The following RAB6A variants were observed in gnomAD, a reference collection of about 807,000 sequenced individuals.
The protein encoded by RAB6A is ras-related protein Rab-6A.
RAB6A carries 8 observed loss-of-function variants against 32.3 expected under a neutral mutation model. The ratio of observed to expected loss-of-function variants is 0.25; its 90% CI spans 0.15 to 0.45. RAB6A has a LOEUF of 0.45. Among genes scored for constraint, RAB6A ranks in the 20% least tolerant of loss-of-function variants. The pLI is 1.00. For synonymous variants in RAB6A, 73 were observed against 82.1 expected (o/e 0.89, Z 0.60); for missense variants, 104 against 249.4 (o/e 0.42, Z 3.93).
chr11:73,752,266 T>G (rs1010885642), intron 1 of RAB6A, among the ~76,000 whole-genome samples: 1 of 152,132 alleles, frequency 6.6e-6, no homozygotes, highest in Non-Finnish European at 1.5e-5. Flanking sequence ...GAGACCAGTC[T>G]GACAAACAGT....
At chr11:73,744,453 GTATACT>G (rs1203051324) in intron 1 of RAB6A, among the ~76,000 whole-genome samples, 1 of 140,948 alleles carries the variant, frequency 7.1e-6, no homozygotes, top group Admixed American at 7.5e-5. Context: ...CAAGGCTGTA[GTATACT>G]GTGATGACAC....
chr11:73,742,510 A>T (rs1007672049), intron 1 of RAB6A, among the ~76,000 whole-genome samples: 1 of 151,872 alleles, frequency 6.6e-6, no homozygotes, highest in South Asian at 2.1e-4. Context: ...ACTACTGATT[A>T]CTCTTATCAA....
At chr11:73,684,518 A>C (rs927621436) in intron 6 of RAB6A, among the ~76,000 whole-genome samples, 10 of 152,238 alleles carry the variant, frequency 6.6e-5, no homozygotes, top group Non-Finnish European at 1.5e-4. Flanking sequence ...AGAGTACAGT[A>C]TAGTATAAAC....
chr11:73,727,258 C>G (rs1195797715), intron 2 of RAB6A, among the ~76,000 whole-genome samples: 1 of 151,410 alleles, frequency 6.6e-6, no homozygotes, highest in Admixed American at 6.6e-5. Flanking sequence ...CCCATCTGTA[C>G]AAAAAAAATT....
At chr11:73,706,861 C>T (rs924250679) in intron 6 of RAB6A, among the ~76,000 whole-genome samples, 3 of 152,072 alleles carry the variant, frequency 2.0e-5, no homozygotes, top group African/African-American at 7.2e-5. Context: ...TGGCTCACAC[C>T]TGTCCCAGCA....
At chr11:73,726,016 G>C (rs1303474428) in intron 2 of RAB6A, among the ~76,000 whole-genome samples, 1 of 152,096 alleles carries the variant, frequency 6.6e-6, no homozygotes, top group Non-Finnish European at 1.5e-5. Context: ...GCCGGGCATG[G>C]TGGCTCACAT....
intron 2 of RAB6A, among the ~76,000 whole-genome samples, chr11:73,725,402 G>A (rs1946200992): frequency 6.6e-6 from 1 of 152,228 alleles, no homozygotes; most frequent in Non-Finnish European, 1.5e-5. Context: ...TTGAACCAAA[G>A]AGAAGTGTAT....
intron 6 of RAB6A, chr11:73,704,173 G>C (rs946398758): frequency 7.0e-6 from 3 of 426,006 alleles, no homozygotes; most frequent in Non-Finnish European, 1.4e-5. Context: ...CCTGAGTCTA[G>C]GAGTTCAAGA....
chr11:73,716,084 T>C (rs184715070), intron 5 of RAB6A, among the ~76,000 whole-genome samples, 167 bp downstream of exon 5: 2 of 152,174 alleles, frequency 1.3e-5, no homozygotes, highest in Admixed American at 1.3e-4. Flanking sequence ...GGACTGGCTG[T>C]TTAATATTTA....
chr11:73,723,686 T>C (rs556077390), intron 2 of RAB6A, among the ~76,000 whole-genome samples: 5 of 152,048 alleles, frequency 3.3e-5, no homozygotes, highest in Admixed American at 6.6e-5. Flanking sequence ...GAGAATCCTG[T>C]GGTAAAAGAA....
At chr11:73,716,444 C>T (rs1054987935) in intron 4 of RAB6A, 82 bp from the exon 5 acceptor site, 3 of 981,570 alleles carry the variant, frequency 3.1e-6, no homozygotes, top group African/African-American at 1.6e-5. Flanking sequence ...CCAAAAAAGC[C>T]CTGGAAGTTG....
At chr11:73,683,188 T>C (rs1473350983) in intron 6 of RAB6A, among the ~76,000 whole-genome samples, 1 of 152,082 alleles carries the variant, frequency 6.6e-6, no homozygotes, top group Non-Finnish European at 1.5e-5. Context: ...TAACAGCATT[T>C]TGCAGATACA....
chr11:73,707,140 A>AT (rs1160475228), intron 6 of RAB6A, among the ~76,000 whole-genome samples: 1 of 151,136 alleles, frequency 6.6e-6, no homozygotes, highest in Non-Finnish European at 1.5e-5. Flanking sequence ...AAAAAAAAAA[A>AT]AAGAAAAGAA....
At chr11:73,682,445 C>T (rs1207968572) in intron 6 of RAB6A, among the ~76,000 whole-genome samples, 2 of 152,100 alleles carry the variant, frequency 1.3e-5, no homozygotes, top group African/African-American at 4.8e-5. Context: ...GGGTGGATCA[C>T]GAGGTCAGGA....
At chr11:73,715,855 GT>G (rs1408378546) in intron 5 of RAB6A, among the ~76,000 whole-genome samples, 1 of 152,192 alleles carries the variant, frequency 6.6e-6, no homozygotes, top group Non-Finnish European at 1.5e-5. Flanking sequence ...TATAATGAAT[GT>G]TTTATAAGAA....
In RAB6A at chr11:73,693,291, A is replaced by AAAATAAATAAATAAATAAAT. The variant is rs3046617; in HGVS notation, c.496-13591_496-13572dup. Among the ~76,000 whole-genome samples, 437 of 151,024 alleles carry AAAATAAATAAATAAATAAAT rather than the reference A, an allele frequency of 2.9e-3. 2 individuals carry two copies. The highest frequency in any genetic ancestry group is 0.01 in the African/African-American group (416 of 41,144). The stretch of plus-strand genomic sequence containing the variant: ...TGACAGAGCAAGACTCCGTCTCCAA[A>AAAATAAATAAATAAATAAAT]AAATAAATAAATAAATAAATAAATA... On this transcript the variant is annotated intron_variant, in intron 6 of 7. Transcript: ENST00000336083.
chr11:73,711,559 G>T (rs888262649), intron 5 of RAB6A, among the ~76,000 whole-genome samples: 4 of 152,102 alleles, frequency 2.6e-5, no homozygotes, highest in African/African-American at 9.7e-5. Context: ...ATAGTGCTAG[G>T]TATTACAAAT....
chr11:73,756,875 T>C (rs963279738), intron 1 of RAB6A, among the ~76,000 whole-genome samples: 1 of 151,304 alleles, frequency 6.6e-6, no homozygotes, highest in Non-Finnish European at 1.5e-5. Context: ...GATTTTGCCA[T>C]GTTGGCCAGG....
At chr11:73,723,079 G>A (rs1946166674) in intron 2 of RAB6A, among the ~76,000 whole-genome samples, 1 of 152,040 alleles carries the variant, frequency 6.6e-6, no homozygotes, top group African/African-American at 2.4e-5. Context: ...AAAGTGCCAG[G>A]ATTATAGGCA....
Sources: allele counts gnomAD v4.1 joint callset (sites outside exome capture counted in the v4.1 genomes callset), GRCh38; gene constraint gnomAD v4.1.1; transcripts MANE v1.5; gene names NCBI Gene and HGNC (gene_info 2026-07-23, HGNC 2026-07-21).